The following UBE4A variants were observed in gnomAD, a reference collection of about 807,000 sequenced individuals.
UBE4A encodes ubiquitination factor E4A.
A neutral mutation model predicts 117.9 loss-of-function variants in UBE4A; 48 were observed. The observed-to-expected ratio is 0.41, with a 90% CI of 0.32 to 0.52. The LOEUF is 0.52. Among genes scored for constraint, UBE4A ranks in the 20% least tolerant of loss-of-function variants. The probability of loss-of-function intolerance (pLI) is 0.33; values close to 1 mark genes in which losing one functional copy is unlikely to be tolerated. For missense variants in UBE4A, 1,067 were observed against 1,296.3 expected, an observed-to-expected ratio of 0.82 and a Z score of 2.72; for synonymous variants, 407 against 450.0, an observed-to-expected ratio of 0.90 and a Z score of 1.21.
intron 19 of UBE4A, 108 bp from the exon 20 acceptor site, chr11:118,396,206 T>C (rs1591312218): frequency 1.4e-6 from 2 of 1,397,640 alleles, no homozygotes; most frequent in African/African-American, 1.5e-5. Flanking sequence ...AAAGTTATAA[T>C]GCACTCTGGC....
Position 118,373,095 on chromosome 11 carries a change from A to C in UBE4A, c.731A>C (p.Asp244Ala), listed in dbSNP as rs111254610. The C allele has an allele frequency of 6.2e-7, 1 of 1,613,852 alleles. No homozygotes were observed. The highest frequency in any genetic ancestry group is 1.3e-5 in the African/African-American group (1 of 74,910). Reference sequence around the variant, plus strand: ...ATTTGTCTTCTGTTAGATTTTGAAGATGTAACTGAGTTTCTGGAAGAGGTC... The same window carrying C: ...ATTTGTCTTCTGTTAGATTTTGAAGCTGTAACTGAGTTTCTGGAAGAGGTC... The part of the protein sequence containing the change: ...LEAIQGAHFE[D>A]VTEFLEEVIE... The change falls in exon 7 of 20, where the codon GAT (aspartate) becomes GCT (alanine). Residue 244 changes from aspartate to alanine, a missense_variant. Asp to Ala is a moderately radical substitution (Grantham distance 126, BLOSUM62 -2). This residue lies in a region of UBE4A where 1,001 missense variants were observed against 1,184.0 expected (regional missense o/e 0.85). Coordinates refer to ENST00000252108, the MANE Select transcript of UBE4A (RefSeq NM_001204077.2).
chr11:118,380,757 G>T (rs1432084644), intron 11 of UBE4A, among the ~76,000 whole-genome samples: 2 of 152,178 alleles, frequency 1.3e-5, no homozygotes, highest in African/African-American at 2.4e-5. Flanking sequence ...CAGTCATGTG[G>T]TTGTTGACAG....
At chr11:118,384,449 A>G (rs1555126817) in intron 13 of UBE4A, among the ~76,000 whole-genome samples, 186 bp from the exon 14 acceptor site, 1 of 152,088 alleles carries the variant, frequency 6.6e-6, no homozygotes, top group Non-Finnish European at 1.5e-5. Flanking sequence ...CCCTTACTTC[A>G]TCAGTAAGGA....
chr11:118,375,325 C>CA, intron 9 of UBE4A, 96 bp downstream of exon 9: 14 of 1,226,390 alleles, frequency 1.1e-5, no homozygotes, highest in South Asian at 6.2e-5. Context: ...GTTCCTTTCT[C>CA]AAAAAAAGAT....
Position 118,384,849 on chromosome 11 carries a change from C to T in UBE4A, c.2316C>T (p.Ala772=). The change falls in exon 15 of 20, where the codon GCC becomes GCT. Residue 772 remains alanine (A), a synonymous_variant. Coordinates refer to ENST00000252108, the MANE Select transcript of UBE4A (RefSeq NM_001204077.2). ...ACTTACAGGATTTGGCTGACTATGCCTCTAAGAATTTAGAAGCCATGAATC... is the reference window on the plus strand; with the variant it reads ...ACTTACAGGATTTGGCTGACTATGCTTCTAAGAATTTAGAAGCCATGAATC... The part of the protein sequence containing the change: ...RESIKDLADY[A]SKNLEAMNPP... 2 of 1,613,440 alleles carry T rather than the reference C, an allele frequency of 1.2e-6. No homozygotes were observed. The highest frequency in any genetic ancestry group is 1.7e-6 in the Non-Finnish European group (2 of 1,179,864).
At chr11:118,375,340 C>T (rs1948642791) in intron 9 of UBE4A, 111 bp downstream of exon 9, 1 of 1,096,976 alleles carries the variant, frequency 9.1e-7, no homozygotes, top group Non-Finnish European at 1.2e-6. Flanking sequence ...AAAGATGAGG[C>T]AGAAACGAGC....
At chr11:118,392,602 G>A (rs2134113935) in intron 18 of UBE4A, 136 bp from the exon 19 acceptor site, 10 of 747,980 alleles carry the variant, frequency 1.3e-5, no homozygotes, top group Middle Eastern at 4.0e-4. Flanking sequence ...TGAAGCTCAC[G>A]TGTGTCACTG....
rs782040398 is a variant in UBE4A, at chr11:118,384,963, AAAAAAG to A, written c.2412+20_2412+25del. The A allele has an allele frequency of 1.2e-5, 19 of 1,555,900 alleles. No homozygotes were observed. Among genetic ancestry groups the A allele is most frequent in the South Asian group, 2.4e-5 (2 of 84,604 alleles). The stretch of plus-strand genomic sequence containing the variant: ...CCATACAGGTAAAAAAAAAAAAAAA[AAAAAAG>A]ATTTAACTTCTCCATACCATCAAAT... On this transcript the variant is annotated intron_variant, in intron 15 of 19. Transcript: ENST00000252108.
intron 10 of UBE4A, among the ~76,000 whole-genome samples, chr11:118,379,151 A>G (rs1565534229): frequency 6.6e-6 from 1 of 152,170 alleles, no homozygotes; most frequent in Non-Finnish European, 1.5e-5. Flanking sequence ...ATTTTATGTA[A>G]TAACAACCCA....
rs1388210066 is a variant in UBE4A at position 118,365,114 on chromosome 11, A to G, written c.34A>G (p.Ser12Gly). Residue 12 changes from serine to glycine, a missense_variant, in exon 2 of 20, where the codon AGT becomes GGT. Transcript: ENST00000252108. ...CCAGGAGAATAACAACAACATCTCA[A>G]GTAACCCCTTTGCTGCTCTTTTTGG... ...TDQENNNNIS[S>G]NPFAALFGSL... The G allele has an allele frequency of 3.7e-6, 6 of 1,614,118 alleles. No homozygotes were observed. The highest frequency in any genetic ancestry group is 1.7e-5 in the Admixed American group (1 of 60,018).
intron 4 of UBE4A, 50 bp downstream of exon 4, chr11:118,369,585 C>T (rs778797265): frequency 2.5e-5 from 33 of 1,340,190 alleles, no homozygotes; most frequent in Non-Finnish European, 3.4e-5. Flanking sequence ...ATTAGCTATG[C>T]GGCTGAATTC....
intron 1 of UBE4A, among the ~76,000 whole-genome samples, chr11:118,362,520 G>T (rs1948528479): frequency 1.3e-5 from 2 of 152,130 alleles, no homozygotes; most frequent in African/African-American, 2.4e-5. Flanking sequence ...CATGTCCTTT[G>T]TAATAATCTG....
chr11:118,365,024 C>T lies in UBE4A; in HGVS notation c.-41-16C>T, dbSNP rs1000879597. ...GTCATCTGCCCTCTTGTGTCTAATA[C>T]CTGTCCTTTGAACAGCCTCTCCCAC... is the stretch of plus-strand genomic sequence containing the variant. On this transcript the variant is annotated splice_polypyrimidine_tract_variant and intron_variant, in intron 1 of 19. Transcript: ENST00000252108. 5 of 1,589,996 alleles carry T rather than the reference C, an allele frequency of 3.1e-6. No individual in the cohort carries two copies. The highest frequency in any genetic ancestry group is 2.3e-5 in the East Asian group (1 of 43,746).
rs1223480405 is a variant in UBE4A, at chr11:118,389,881, T to C, written c.2744T>C (p.Ile915Thr). 6.2e-7 allele frequency: 1 copy of C among 1,605,186 alleles called. No individual in the cohort carries two copies. Among genetic ancestry groups the C allele is most frequent in the Non-Finnish European group, 8.5e-7 (1 of 1,172,858 alleles). Residue 915 changes from isoleucine (I) to threonine (T), a missense_variant, in exon 17 of 20, where the codon ATC (isoleucine) becomes ACC (threonine). This residue lies in a region of UBE4A where 1,001 missense variants were observed against 1,184.0 expected (regional missense o/e 0.85). Coordinates refer to ENST00000252108, the MANE Select transcript of UBE4A (RefSeq NM_001204077.2). ...DFKPQQLVSD[I>T]CTIYLNLGDE... ...AAACCCCAGCAGCTTGTATCAGATA[T>C]CTGCACTATCTACTTAAATCTTGGG...
At chr11:118,375,698 AC>A (rs1948646948) in intron 9 of UBE4A, among the ~76,000 whole-genome samples, 1 of 152,056 alleles carries the variant, frequency 6.6e-6, no homozygotes, top group East Asian at 1.9e-4. Flanking sequence ...AAAAAAAAAA[AC>A]ACCTGGTAGC....
At position 118,370,934 on chromosome 11, in the gene UBE4A, A is replaced by G. The variant is rs144720832; in HGVS notation, c.409-580A>G. 5.3e-5 allele frequency among the ~76,000 whole-genome samples: 8 copies of G among 152,312 alleles called. No homozygotes were observed. The East Asian group carries it at 1.3e-3, about 26-fold the overall frequency. ...AGCACCTTGAGAAAAGCACCAAGCA[A>G]TTCAGGAGGGATCCGCCTCCATACC... On this transcript the variant is annotated intron_variant, in intron 4 of 19. Transcript: ENST00000252108.
In UBE4A at chr11:118,389,812, A is replaced by G. The variant is rs1555127930; in HGVS notation, c.2675A>G (p.Lys892Arg). Residue 892 changes from lysine (K) to arginine (R), a missense_variant, in exon 17 of 20, where the codon AAG (lysine) becomes AGG (arginine). Around this residue, in one of 3 missense-constraint regions of UBE4A, gnomAD observed 1,001 missense variants for 1,184.0 expected, o/e 0.85. Coordinates refer to ENST00000252108, the MANE Select transcript of UBE4A (RefSeq NM_001204077.2). ...TTCCTGCAACACCTGGTTGGCCCCAAGATGGGTGCCTTAAAAGTCAAGGAC... is the reference window on the plus strand; with the variant it reads ...TTCCTGCAACACCTGGTTGGCCCCAGGATGGGTGCCTTAAAAGTCAAGGAC... ...NYFLQHLVGP[K>R]MGALKVKDFS... The G allele has an allele frequency of 6.2e-7, 1 of 1,614,048 alleles. No individual in the cohort carries two copies. Among genetic ancestry groups the G allele is most frequent in the Non-Finnish European group, 8.5e-7 (1 of 1,179,922 alleles).
At chr11:118,386,675 G>A in intron 16 of UBE4A, 63 bp downstream of exon 16, 1 of 1,458,014 alleles carries the variant, frequency 6.9e-7, no homozygotes, top group Non-Finnish European at 9.0e-7. Flanking sequence ...TTCACTTGGG[G>A]GATCAGCCCA....
At chr11:118,395,536 C>G (rs560879897) in intron 19 of UBE4A, among the ~76,000 whole-genome samples, 12 of 152,264 alleles carry the variant, frequency 7.9e-5, no homozygotes, top group Non-Finnish European at 1.3e-4. Context: ...TTTCAAGAAA[C>G]CATAATCTGC....
Sources: gnomAD v4.1 joint callset for allele counts (sites outside exome capture counted in the v4.1 genomes callset) on GRCh38, gnomAD v4.1.1 for gene constraint, gnomAD v4.1.1 regional missense constraint, MANE v1.5 for transcripts, NCBI Gene and HGNC (gene_info 2026-07-23, HGNC 2026-07-21) for gene names.